Variants in RFX8 observed in about 807,000 individuals in gnomAD.
RFX8 encodes the protein regulatory factor X8.
Under a neutral mutation model 54.6 loss-of-function variants are expected in RFX8, and 46 were observed. That is an observed-to-expected ratio of 0.84 (90% confidence interval 0.67 to 1.08). RFX8 has a LOEUF of 1.08. Ranked by LOEUF, RFX8 falls within the 50% of genes least tolerant of loss-of-function variation. The pLI is 0.00. For synonymous variants in RFX8, 192 were observed against 209.5 expected (o/e 0.92, Z 0.72); for missense variants, 536 against 562.3 (o/e 0.95, Z 0.47).
chr2:101,417,757 G>A (rs1686616719), intron 5 of RFX8, 73 bp from the exon 6 acceptor site: 1 of 1,278,786 alleles, frequency 7.8e-7, no homozygotes, highest in Admixed American at 2.5e-5. Context: ...GCATGCCACA[G>A]GGACAGGGCG....
At chr2:101,414,449 T>TG (rs1686362290) in intron 7 of RFX8, among the ~76,000 whole-genome samples, 1 of 151,162 alleles carries the variant, frequency 6.6e-6, no homozygotes, top group Non-Finnish European at 1.5e-5. Flanking sequence ...TATTTTTTTT[T>TG]TTTTGATAGA....
chr2:101,406,665 T>C (rs1685755878), intron 9 of RFX8, among the ~76,000 whole-genome samples: 1 of 151,936 alleles, frequency 6.6e-6, no homozygotes, highest in African/African-American at 2.4e-5. Flanking sequence ...AAAAAAGAGG[T>C]CACTTGTGAT....
intron 2 of RFX8, among the ~76,000 whole-genome samples, chr2:101,460,798 A>G (rs1290141489): frequency 5.4e-5 from 8 of 148,792 alleles, no homozygotes; most frequent in Non-Finnish European, 1.0e-4. Flanking sequence ...AATGTGAACC[A>G]TTTTTCCTCT....
intron 5 of RFX8, among the ~76,000 whole-genome samples, chr2:101,417,913 C>T (rs367972440): frequency 1.3e-4 from 20 of 152,200 alleles, no homozygotes; most frequent in Admixed American, 1.1e-3. Context: ...TTATTTGAGA[C>T]GGAGTCTTGT....
At chr2:101,439,614 T>C (rs1573434642) in intron 2 of RFX8, among the ~76,000 whole-genome samples, 3 of 145,236 alleles carry the variant, frequency 2.1e-5, no homozygotes, top group African/African-American at 7.7e-5. Context: ...TTTTTTTGCC[T>C]GTGGGTTTCT....
At chr2:101,463,153 A>G (rs1573483580) in intron 2 of RFX8, among the ~76,000 whole-genome samples, 1 of 152,246 alleles carries the variant, frequency 6.6e-6, no homozygotes, top group African/African-American at 2.4e-5. Flanking sequence ...AGCAGATAAC[A>G]TGCCATAAAG....
intron 9 of RFX8, among the ~76,000 whole-genome samples, chr2:101,408,145 A>G (rs949476959): frequency 1.3e-5 from 2 of 152,240 alleles, no homozygotes; most frequent in Non-Finnish European, 2.9e-5. Context: ...TTTACAATGT[A>G]GGACGACAGG....
chr2:101,439,778 T>C (rs1687989170), intron 2 of RFX8, among the ~76,000 whole-genome samples: 1 of 151,794 alleles, frequency 6.6e-6, no homozygotes, highest in African/African-American at 2.4e-5. Flanking sequence ...AATGGCACAA[T>C]CTTGGCTTAC....
intron 2 of RFX8, among the ~76,000 whole-genome samples, chr2:101,438,565 A>G (rs1318991778): frequency 6.6e-6 from 1 of 152,118 alleles, no homozygotes; most frequent in Non-Finnish European, 1.5e-5. Context: ...TTCTGTGTGG[A>G]TATAAGTTCT....
chr2:101,458,499 G>C (rs1689103974), intron 2 of RFX8, among the ~76,000 whole-genome samples: 1 of 152,152 alleles, frequency 6.6e-6, no homozygotes, highest in Admixed American at 6.5e-5. Flanking sequence ...GAAATTCTGG[G>C]TTGAAAATTC....
chr2:101,470,928 C>G (rs574790107), intron 1 of RFX8, among the ~76,000 whole-genome samples: 152 of 150,424 alleles, frequency 1.0e-3, no homozygotes, highest in African/African-American at 3.6e-3. Context: ...ACCGTGTTAG[C>G]CAGGATGGTC....
At chr2:101,408,547 G>A (rs1354828749) in intron 9 of RFX8, among the ~76,000 whole-genome samples, 1 of 151,990 alleles carries the variant, frequency 6.6e-6, no homozygotes, top group Non-Finnish European at 1.5e-5. Flanking sequence ...AACAGACAAT[G>A]GACAGCGCCT....
rs973643649 is a variant in RFX8, at chr2:101,402,728, A to G, written c.953T>C (p.Leu318Ser). 2.1e-5 allele frequency: 32 copies of G among 1,547,514 alleles called. No individual in the cohort carries two copies. The highest frequency in any genetic ancestry group is 2.8e-5 in the Non-Finnish European group (32 of 1,143,172). The change falls in exon 11 of 12, where the codon TTG becomes TCG. Residue 318 changes from leucine to serine, a missense_variant. Coordinates refer to ENST00000428343, the MANE Select transcript of RFX8 (RefSeq NM_001145664.2). ...TATATGAATCATATATTCCAAAAGC[A>G]ACAAGTGAAACAGATGCCAGGAGCC... is the stretch of plus-strand genomic sequence containing the variant. The part of the protein sequence containing the change: ...SFGSWHLFHL[L>S]LLEYMIHILQ...
chr2:101,474,146 TC>T, intron 1 of RFX8: 1 of 571,162 alleles, frequency 1.8e-6, no homozygotes, highest in Admixed American at 3.3e-5. Context: ...GAACCACGCT[TC>T]CCCTCCCCGG....
intron 2 of RFX8, among the ~76,000 whole-genome samples, chr2:101,455,249 A>T (rs1212913764): frequency 6.6e-6 from 1 of 151,914 alleles, no homozygotes; most frequent in African/African-American, 2.4e-5. Flanking sequence ...CTGACCTCAG[A>T]CGATCCACCC....
chr2:101,409,180 T>C (rs559813042), intron 9 of RFX8, among the ~76,000 whole-genome samples: 1 of 152,094 alleles, frequency 6.6e-6, no homozygotes, highest in Non-Finnish European at 1.5e-5. Context: ...TCTCAAGAGG[T>C]GGGGCCCGGG....
At chr2:101,455,141 G>T (rs1294014228) in intron 2 of RFX8, among the ~76,000 whole-genome samples, 1 of 151,810 alleles carries the variant, frequency 6.6e-6, no homozygotes, top group Non-Finnish European at 1.5e-5. Flanking sequence ...TTCCTGAGTA[G>T]CTGGGATTAT....
Position 101,431,098 on chromosome 2 carries a change from C to T in RFX8, c.73-8626G>A, listed in dbSNP as rs369839349. On this transcript the variant is annotated intron_variant, in intron 2 of 11. Transcript: ENST00000428343. ...ACAATATGAATACACTGAGCTCCATCCATCCATTCATTCATCCATCCATCC... is the reference window on the plus strand; with the variant it reads ...ACAATATGAATACACTGAGCTCCATTCATCCATTCATTCATCCATCCATCC... 2.9e-4 allele frequency among the ~76,000 whole-genome samples: 42 copies of T among 144,034 alleles called. No individual in the cohort carries two copies. The South Asian group carries it at 3.3e-3, about 11-fold the overall frequency. The allele number at this position is 144,034 out of a possible 152,430, so 94.5% of individuals were successfully genotyped here. A position where few individuals can be genotyped will look rare whatever the true frequency, so the allele number is the denominator to read the frequency against.
chr2:101,422,168 A>G (rs1686904522), intron 3 of RFX8, among the ~76,000 whole-genome samples, 194 bp downstream of exon 3: 2 of 152,090 alleles, frequency 1.3e-5, no homozygotes, highest in South Asian at 4.1e-4. Context: ...GAGCCTTGCC[A>G]TAGGATGTGA....
Sources: gnomAD v4.1 joint callset for allele counts (sites outside exome capture counted in the v4.1 genomes callset) on GRCh38, gnomAD v4.1.1 for gene constraint, MANE v1.5 for transcripts, NCBI Gene and HGNC (gene_info 2026-07-23, HGNC 2026-07-21) for gene names.